Variants in PRCC observed in about 807,000 individuals in gnomAD.
The protein encoded by PRCC is proline-rich protein PRCC.
In PRCC, 10 loss-of-function variants were observed where a neutral mutation model predicts 44.0. The observed-to-expected ratio is 0.23, with a 90% CI of 0.14 to 0.39. PRCC has a LOEUF of 0.39. Ranked by LOEUF, PRCC falls within the 10% of genes least tolerant of loss-of-function variation. The pLI is 1.00. For missense variants in PRCC, 573 were observed against 624.7 expected, an observed-to-expected ratio of 0.92 and a Z score of 0.88; for synonymous variants, 278 against 259.5, an observed-to-expected ratio of 1.07 and a Z score of -0.69.
At chr1:156,768,355 A>C (rs996371245) in intron 1 of PRCC, 116 bp downstream of exon 1, 42 of 1,089,424 alleles carry the variant, frequency 3.9e-5, no homozygotes, top group Non-Finnish European at 4.8e-5. Context: ...ATTCAAGGCC[A>C]CTGGAATCCT....
intron 3 of PRCC, among the ~76,000 whole-genome samples, chr1:156,790,257 T>C (rs1025469424): frequency 2.6e-5 from 4 of 152,288 alleles, no homozygotes; most frequent in Non-Finnish European, 5.9e-5. Context: ...AAATCTTTGC[T>C]GTTAAGCCTT....
At chr1:156,794,093 G>A (rs966118710) in intron 4 of PRCC, among the ~76,000 whole-genome samples, 3 of 151,740 alleles carry the variant, frequency 2.0e-5, no homozygotes, top group Admixed American at 2.0e-4. Context: ...AAGTAGCTGG[G>A]ATTACAAGTA....
chr1:156,778,728 G>C (rs536388110), intron 1 of PRCC, among the ~76,000 whole-genome samples: 1 of 151,558 alleles, frequency 6.6e-6, no homozygotes, highest in South Asian at 2.1e-4. Flanking sequence ...GACTACAGGC[G>C]TGCGCCACCA....
At chr1:156,781,649 T>C (rs1652054822) in intron 1 of PRCC, among the ~76,000 whole-genome samples, 1 of 152,220 alleles carries the variant, frequency 6.6e-6, no homozygotes, top group South Asian at 2.1e-4. Context: ...ACAGATGACC[T>C]CCTGTCTTGC....
At chr1:156,779,128 ATTTTTTTTTTTTT>A (rs869088692) in intron 1 of PRCC, among the ~76,000 whole-genome samples, 361 of 35,790 alleles carry the variant, frequency 0.01, no homozygotes, top group Non-Finnish European at 0.013. Context: ...ATATATATAT[ATTTTTTTTTTTTT>A]TTTTTTTTTT....
chr1:156,772,429 A>G (rs1651667599), intron 1 of PRCC, among the ~76,000 whole-genome samples: 2 of 152,210 alleles, frequency 1.3e-5, no homozygotes, highest in South Asian at 4.1e-4. Flanking sequence ...TTTGTGGGGA[A>G]TTAGGAATGA....
At chr1:156,768,323 C>T in intron 1 of PRCC, 84 bp downstream of exon 1, 2 of 1,374,458 alleles carry the variant, frequency 1.5e-6, no homozygotes, top group East Asian at 2.5e-5. Flanking sequence ...TTCAGAACTC[C>T]TTCCTACAAA....
chr1:156,768,973 A>G (rs187418971), intron 1 of PRCC, among the ~76,000 whole-genome samples: 3 of 152,334 alleles, frequency 2.0e-5, no homozygotes, highest in East Asian at 3.9e-4. Flanking sequence ...TAGGTGAGTT[A>G]GGATGCTTGG....
Position 156,800,437 on chromosome 1 carries a change from A to C in PRCC, c.1453A>C (p.Thr485Pro), listed in dbSNP as rs1327629114. ...WSENKLSRRQ[T>P]QAKYGF ...AGAGAACAAGCTCAGCCGCCGTCAG[A>C]CCCAAGCCAAATATGGATTCTAGGG... The change falls in exon 7 of 7, where the codon ACC (threonine) becomes CCC (proline). Residue 485 changes from threonine (T) to proline (P), a missense_variant. Transcript: ENST00000271526. The C allele has an allele frequency of 6.2e-7, 1 of 1,614,100 alleles. No homozygotes were observed. The highest frequency in any genetic ancestry group is 2.2e-5 in the East Asian group (1 of 44,872).
chr1:156,787,082 G>T lies in PRCC; in HGVS notation c.991G>T (p.Gly331Trp). The change falls in exon 3 of 7, where the codon GGG (glycine) becomes TGG (tryptophan). Residue 331 changes from glycine to tryptophan, a missense_variant. This residue lies in a region of PRCC where 141 missense variants were observed against 130.2 expected (regional missense o/e 1.08). Coordinates refer to ENST00000271526, the MANE Select transcript of PRCC (RefSeq NM_005973.5). Reference sequence around the variant, plus strand: ...ATTCAAGATGGCAGCAGGTTCAAGTGGGGCCCCTTGGATGCCTAAGCCTGG... The same window carrying T: ...ATTCAAGATGGCAGCAGGTTCAAGTTGGGCCCCTTGGATGCCTAAGCCTGG... ...LEFKMAAGSS[G>W]APWMPKPGDD... 1 of 1,614,142 alleles carries T rather than the reference G, an allele frequency of 6.2e-7. No individual in the cohort carries two copies. The highest frequency in any genetic ancestry group is 8.5e-7 in the Non-Finnish European group (1 of 1,180,010).
At chr1:156,791,151 G>A in intron 3 of PRCC, 1 of 1,417,286 alleles carries the variant, frequency 7.1e-7, no homozygotes, top group Admixed American at 1.8e-5. Flanking sequence ...AACCTGCTTT[G>A]TTCCCAGCTT....
In PRCC at chr1:156,779,683, A is replaced by T. The variant is rs546277577; in HGVS notation, c.469-2599A>T. 2.0e-4 allele frequency among the ~76,000 whole-genome samples: 30 copies of T among 151,540 alleles called. 1 individual carries two copies. The East Asian group carries it at 2.7e-3, about 14-fold the overall frequency. ...CGGACTGGGCCTATTTTAAATTTTT[A>T]TTTATTTCTGTTTTGTAAAAAATTT... On this transcript the variant is annotated intron_variant, in intron 1 of 6. Coordinates refer to ENST00000271526, the MANE Select transcript of PRCC (RefSeq NM_005973.5).
intron 3 of PRCC, 110 bp from the exon 4 acceptor site, chr1:156,791,587 A>G: frequency 1.1e-6 from 1 of 943,078 alleles, no homozygotes; most frequent in Non-Finnish European, 1.6e-6. Context: ...TAGTATAGCT[A>G]TCTCACCATT....
chr1:156,797,307 G>A lies in PRCC; in HGVS notation c.1355G>A (p.Arg452Gln). 5 of 1,614,138 alleles carry A rather than the reference G, an allele frequency of 3.1e-6. No individual in the cohort carries two copies. Among genetic ancestry groups the A allele is most frequent in the Non-Finnish European group, 2.5e-6 (3 of 1,180,016 alleles). ...KKGEQPTGQQ[R>Q]RKHQITYLIH... Reference sequence around the variant, plus strand: ...GGTGAGCAGCCAACAGGCCAGCAGCGGCGGAAACACCAGATCACATATCTT... The same window carrying A: ...GGTGAGCAGCCAACAGGCCAGCAGCAGCGGAAACACCAGATCACATATCTT... Residue 452 changes from arginine (R) to glutamine (Q), a missense_variant, in exon 6 of 7, where the codon CGG becomes CAG. By Grantham distance (43) the Arg-to-Gln change is conservative (BLOSUM62 1). This residue lies in a region of PRCC where 69 missense variants were observed against 139.3 expected (regional missense o/e 0.50). Coordinates refer to ENST00000271526, the MANE Select transcript of PRCC (RefSeq NM_005973.5).
Position 156,767,879 on chromosome 1 carries a change from G to A in PRCC, c.108G>A (p.Gly36=), listed in dbSNP as rs758440059. The change falls in exon 1 of 7, where the codon GGG becomes GGA. Residue 36 remains glycine, a synonymous_variant. Transcript: ENST00000271526. ...CTCCTACATCTGGGCCCGCTTTAGG[G>A]GGCTTGTTCGCTTCTCTCCCTGCGC... ...AVAPTSGPAL[G]GLFASLPAPK... The A allele has an allele frequency of 6.9e-6, 11 of 1,605,340 alleles. No homozygotes were observed. Among genetic ancestry groups the A allele is most frequent in the Non-Finnish European group, 9.3e-6 (11 of 1,176,970 alleles).
At chr1:156,774,222 C>G (rs564167445) in intron 1 of PRCC, among the ~76,000 whole-genome samples, 7 of 118,838 alleles carry the variant, frequency 5.9e-5, no homozygotes, top group African/African-American at 2.3e-4. Flanking sequence ...GTTGCCCAGG[C>G]TGGAGTGCAG....
intron 1 of PRCC, among the ~76,000 whole-genome samples, chr1:156,779,129 T>TATATATATATATATATATA (rs1491456608): frequency 4.9e-4 from 8 of 16,330 alleles, no homozygotes; most frequent in Non-Finnish European, 7.2e-4. Flanking sequence ...TATATATATA[T>TATATATATATATATATATA]TTTTTTTTTT....
At position 156,782,321 on chromosome 1, in the gene PRCC, A is replaced by G. The variant is rs374062247; in HGVS notation, c.508A>G (p.Ile170Val). ...EEDEPTKKKT[I>V]LQGSSEGTGL... ...AGATGAACCCACAAAGAAGAAAACT[A>G]TCCTTCAGGTAAGCATTGTGATATA... The change falls in exon 2 of 7, where the codon ATC becomes GTC. Residue 170 changes from isoleucine (I) to valine (V), a missense_variant. Ile to Val is a conservative substitution (Grantham distance 29). This residue lies in a region of PRCC where 118 missense variants were observed against 166.7 expected (regional missense o/e 0.71). Coordinates refer to ENST00000271526, the MANE Select transcript of PRCC (RefSeq NM_005973.5). 193 of 1,606,804 alleles carry G rather than the reference A, an allele frequency of 1.2e-4. 1 individual carries two copies. The highest frequency in any genetic ancestry group is 1.5e-4 in the Non-Finnish European group (175 of 1,174,346).
chr1:156,786,160 G>T (rs368222940), intron 2 of PRCC, among the ~76,000 whole-genome samples: 1 of 152,160 alleles, frequency 6.6e-6, no homozygotes, highest in East Asian at 1.9e-4. Flanking sequence ...ACAGAACCTT[G>T]TTCTTGATTT....
Sources: gnomAD v4.1 joint callset for allele counts (sites outside exome capture counted in the v4.1 genomes callset) on GRCh38, gnomAD v4.1.1 for gene constraint, gnomAD v4.1.1 regional missense constraint, MANE v1.5 for transcripts, NCBI Gene and HGNC (gene_info 2026-07-23, HGNC 2026-07-21) for gene names.